Variants in ATF7 observed in about 807,000 individuals in gnomAD.
The protein encoded by ATF7 is activating transcription factor 7.
ATF7 carries 10 observed loss-of-function variants against 50.4 expected under a neutral mutation model. That is an observed-to-expected ratio of 0.20 (90% CI 0.12 to 0.34). The LOEUF is 0.34. Ranked by LOEUF, ATF7 falls within the 10% of genes least tolerant of loss-of-function variation. The probability of loss-of-function intolerance (pLI) is 1.00; values close to 1 mark genes in which losing one functional copy is unlikely to be tolerated. For synonymous variants in ATF7, 201 were observed against 226.4 expected, an observed-to-expected ratio of 0.89 and a Z score of 1.01; for missense variants, 465 against 613.9, an observed-to-expected ratio of 0.76 and a Z score of 2.56.
intron 1 of ATF7, among the ~76,000 whole-genome samples, chr12:53,609,342 CG>C (rs1316429170): frequency 1.3e-5 from 2 of 151,602 alleles, no homozygotes; most frequent in Admixed American, 1.3e-4. Context: ...TTAGTAGAGA[CG>C]GGGTTTCTCC....
At chr12:53,553,192 T>C (rs978568379) in intron 2 of ATF7, among the ~76,000 whole-genome samples, 1 of 152,106 alleles carries the variant, frequency 6.6e-6, no homozygotes, top group African/African-American at 2.4e-5. Context: ...CTCAGAGTTT[T>C]AATGAGCCAG....
intron 2 of ATF7, among the ~76,000 whole-genome samples, chr12:53,556,993 A>G (rs1565950937): frequency 6.6e-6 from 1 of 151,998 alleles, no homozygotes; most frequent in East Asian, 1.9e-4. Context: ...CCTGGGCTCA[A>G]ATGAGTCTCC....
intron 3 of ATF7, among the ~76,000 whole-genome samples, chr12:53,549,376 G>A (rs1200482159): frequency 6.7e-6 from 1 of 148,598 alleles, no homozygotes; most frequent in Non-Finnish European, 1.5e-5. Context: ...AGGTTATAAA[G>A]AGCCTGAAAA....
intron 2 of ATF7, among the ~76,000 whole-genome samples, chr12:53,584,844 G>A (rs1942600271): frequency 6.6e-6 from 1 of 152,190 alleles, no homozygotes; most frequent in African/African-American, 2.4e-5. Context: ...GCAAAACTAC[G>A]GAGACAGTAG....
At chr12:53,535,559 T>C (rs1939169828) in intron 5 of ATF7, among the ~76,000 whole-genome samples, 1 of 152,026 alleles carries the variant, frequency 6.6e-6, no homozygotes, top group Non-Finnish European at 1.5e-5. Context: ...ATCTAGGTGC[T>C]GGTTATACAG....
intron 1 of ATF7, among the ~76,000 whole-genome samples, chr12:53,621,911 T>C (rs1446637131): frequency 6.6e-6 from 1 of 152,126 alleles, no homozygotes; most frequent in African/African-American, 2.4e-5. Context: ...ATTTATTAGA[T>C]TATATCTGAG....
chr12:53,531,531 AT>A (rs1938891532), intron 9 of ATF7, among the ~76,000 whole-genome samples: 1 of 152,116 alleles, frequency 6.6e-6, no homozygotes, highest in African/African-American at 2.4e-5. Context: ...TGTTTTTGTT[AT>A]TACATGATGG....
In ATF7 at chr12:53,565,490, G is replaced by C. The variant is rs1941397837; in HGVS notation, c.49-12853C>G. Among the ~76,000 whole-genome samples, 3 of 149,816 alleles carry C rather than the reference G, an allele frequency of 2.0e-5. No homozygotes were observed. In the Middle Eastern group the frequency reaches 0.01, roughly 513 times the overall value. ...TCTCACACTCTCTTTTTCTGGGCGG[G>C]GGCGGGGGGGAGGGGGGCAGGGGGC... On this transcript the variant is annotated intron_variant, in intron 2 of 11. Coordinates refer to ENST00000420353, the MANE Select transcript of ATF7 (RefSeq NM_006856.3).
At chr12:53,572,715 C>T (rs987584296) in intron 2 of ATF7, among the ~76,000 whole-genome samples, 9 of 151,782 alleles carry the variant, frequency 5.9e-5, no homozygotes, top group African/African-American at 1.9e-4. Context: ...GGGAGGCTGA[C>T]GTGGGAGGAC....
At chr12:53,517,434 A>G (rs1937778830) in intron 11 of ATF7, 80 bp from the exon 12 acceptor site, 13 of 1,395,766 alleles carry the variant, frequency 9.3e-6, no homozygotes, top group Admixed American at 2.0e-5. Context: ...ACCTTTTGCC[A>G]TAATTCTAAA....
intron 1 of ATF7, among the ~76,000 whole-genome samples, chr12:53,608,147 G>A (rs1207832506): frequency 6.6e-6 from 1 of 150,694 alleles, no homozygotes; most frequent in Admixed American, 6.6e-5. Flanking sequence ...TTGAACCCAG[G>A]AGGCAGAGGT....
At chr12:53,543,230 AT>A in intron 4 of ATF7, 99 bp downstream of exon 4, 1 of 1,551,004 alleles carries the variant, frequency 6.4e-7, no homozygotes, top group African/African-American at 1.4e-5. Context: ...TAAGCCCATG[AT>A]TTTGTGTTTT....
At chr12:53,538,516 G>A (rs992224896) in intron 4 of ATF7, among the ~76,000 whole-genome samples, 9 of 152,186 alleles carry the variant, frequency 5.9e-5, no homozygotes, top group Admixed American at 3.3e-4. Context: ...AGAAAGGAAA[G>A]AGAGCACTTT....
At position 53,512,971 on chromosome 12, in the gene ATF7, C is replaced by A. The variant is rs1378186567; in HGVS notation, c.*4166G>T. The A allele has an allele frequency of 6.6e-6, 1 of 152,146 alleles. No individual in the cohort carries two copies. Among genetic ancestry groups the A allele is most frequent in the African/African-American group, 2.4e-5 (1 of 41,424 alleles). 9.4% of individuals were successfully genotyped at this position (152,146 alleles called of 1,614,324 possible). On this transcript the variant is annotated 3_prime_UTR_variant, in exon 12 of 12. Transcript: ENST00000420353. ...GGATGGGGCCTGAGAATGTGTATTT[C>A]TAACAAGTTCCCAGATTACTGTGGC...
intron 2 of ATF7, among the ~76,000 whole-genome samples, chr12:53,594,029 T>C (rs1943052669): frequency 6.6e-6 from 1 of 152,248 alleles, no homozygotes; most frequent in Non-Finnish European, 1.5e-5. Context: ...TGGAAGACTA[T>C]TTGATAAAAG....
At position 53,513,574 on chromosome 12, in the gene ATF7, C is replaced by G. The variant is rs1944197159; in HGVS notation, c.*3563G>C. On this transcript the variant is annotated 3_prime_UTR_variant, in exon 12 of 12. Coordinates refer to ENST00000420353, the MANE Select transcript of ATF7 (RefSeq NM_006856.3). ...ATAGCTAGGAAGACTGGAATCTAAA[C>G]AGGCTGGTTATGAAATTTAAAAAAA... is the stretch of plus-strand genomic sequence containing the variant. 5.3e-5 allele frequency: 8 copies of G among 151,880 alleles called. No homozygotes were observed. The allele number at this position is 151,880 out of a possible 1,614,324, so 9.4% of individuals were successfully genotyped here. A position where few individuals can be genotyped will look rare whatever the true frequency, so the allele number is the denominator to read the frequency against.
At chr12:53,582,882 C>T (rs1480811733) in intron 2 of ATF7, among the ~76,000 whole-genome samples, 1 of 152,130 alleles carries the variant, frequency 6.6e-6, no homozygotes, top group East Asian at 1.9e-4. Context: ...CCGCACCTGG[C>T]CATCAATTAC....
chr12:53,587,843 A>ATATTTTTTTTTTT, intron 2 of ATF7, among the ~76,000 whole-genome samples: 20 of 61,560 alleles, frequency 3.2e-4, no homozygotes, highest in African/African-American at 9.7e-4. Context: ...ATATATATAT[A>ATATTTTTTTTTTT]TTTTTTTTTT....
chr12:53,625,722 T>A (rs1944578719), intron 1 of ATF7, among the ~76,000 whole-genome samples: 1 of 152,190 alleles, frequency 6.6e-6, no homozygotes, highest in Non-Finnish European at 1.5e-5. Flanking sequence ...TCAAGATCTT[T>A]GTTCTCATCT....
Sources: allele counts gnomAD v4.1 joint callset (sites outside exome capture counted in the v4.1 genomes callset), GRCh38; gene constraint gnomAD v4.1.1; transcripts MANE v1.5; gene names NCBI Gene and HGNC (gene_info 2026-07-23, HGNC 2026-07-21).